Variants in RSF1 observed in about 807,000 individuals in gnomAD.
The protein encoded by RSF1 is HBV pX-associated protein 8.
A neutral mutation model predicts 145.2 loss-of-function variants in RSF1; 13 were observed. The ratio of observed to expected loss-of-function variants is 0.09; its 90% CI spans 0.06 to 0.14. RSF1 has a LOEUF of 0.14. RSF1 is among the 10% of genes least tolerant of loss of function. RSF1 has a pLI of 1.00. For synonymous variants in RSF1, 577 were observed against 592.6 expected (o/e 0.97, Z 0.38); for missense variants, 1,517 against 1,718.2 (o/e 0.88, Z 2.07).
At chr11:77,688,729 C>T (rs1960073600) in intron 9 of RSF1, among the ~76,000 whole-genome samples, 1 of 152,104 alleles carries the variant, frequency 6.6e-6, no homozygotes, top group Admixed American at 6.6e-5. Context: ...GTTCCAAGAC[C>T]AGCCTGGGCA....
chr11:77,751,920 A>G (rs1295372552), intron 2 of RSF1, among the ~76,000 whole-genome samples: 3 of 152,208 alleles, frequency 2.0e-5, no homozygotes, highest in African/African-American at 7.2e-5. Context: ...TTAGATCCAA[A>G]TCCTTATTTT....
chr11:77,676,066 C>G (rs1383871985), intron 13 of RSF1, among the ~76,000 whole-genome samples: 2 of 152,186 alleles, frequency 1.3e-5, no homozygotes, highest in African/African-American at 4.8e-5. Context: ...TGACATTTTA[C>G]GGCTTGCTGT....
the RSF1 span, among the ~76,000 whole-genome samples, chr11:77,857,637 T>A: frequency 6.6e-6 from 1 of 152,122 alleles, no homozygotes; most frequent in Non-Finnish European, 1.5e-5. Context: ...CATGCAGGTT[T>A]GTTACATAGG....
chr11:77,690,629 A>C lies in RSF1; in HGVS notation c.2900+530T>G, dbSNP rs554133810. On this transcript the variant is annotated intron_variant, in intron 9 of 15. Transcript: ENST00000308488. ...GTATTTTTAGTAGGGACAGGGTTTC[A>C]CCATGTTGGCCAGGCTGACCTCAGG... Among the ~76,000 whole-genome samples the C allele has an allele frequency of 2.0e-5, 3 of 152,048 alleles. No homozygotes were observed. The East Asian group carries it at 5.8e-4, about 29-fold the overall frequency.
chr11:77,675,399 T>C (rs1959675593), intron 13 of RSF1, 143 bp from the exon 14 acceptor site: 5 of 640,198 alleles, frequency 7.8e-6, no homozygotes, highest in Non-Finnish European at 1.3e-5. Flanking sequence ...AAATGCCCTA[T>C]TTATAAAATG....
intron 1 of RSF1, among the ~76,000 whole-genome samples, chr11:77,820,241 C>T: frequency 6.6e-6 from 1 of 152,150 alleles, no homozygotes; most frequent in African/African-American, 2.4e-5. Context: ...CCCGGGGCTG[C>T]CGACCGGCAC....
chr11:77,722,200 A>C (rs965391126), intron 5 of RSF1, among the ~76,000 whole-genome samples: 16 of 152,162 alleles, frequency 1.1e-4, no homozygotes, highest in African/African-American at 3.9e-4. Flanking sequence ...AGAAGACAGA[A>C]AAACAAAGAG....
chr11:77,701,786 G>A lies in RSF1; in HGVS notation c.1443C>T (p.Ile481=), dbSNP rs201725719. ...SYSPSKDRNI[I]TEGNGTESLN... is the part of the protein sequence containing the mutation. Reference sequence around the variant, plus strand: ...AGGACTCTGTTCCATTTCCCTCCGTGATGATATTTCTGTCCTTAGAGGGGC... The same window carrying A: ...AGGACTCTGTTCCATTTCCCTCCGTAATGATATTTCTGTCCTTAGAGGGGC... Residue 481 remains isoleucine, a synonymous_variant, in exon 6 of 16, where the codon ATC becomes ATT. Transcript: ENST00000308488. 4.3e-6 allele frequency: 7 copies of A among 1,613,874 alleles called. No homozygotes were observed. In the African/African-American group the frequency reaches 9.3e-5, roughly 22 times the overall value.
chr11:77,798,964 TA>T (rs199886134), intron 1 of RSF1, among the ~76,000 whole-genome samples: 3,251 of 114,282 alleles, frequency 0.028, 100 homozygotes, highest in African/African-American at 0.089. Flanking sequence ...AAAGTATAAT[TA>T]AAAAAAAAAA....
intron 1 of RSF1, among the ~76,000 whole-genome samples, chr11:77,796,596 C>A (rs1353779006): frequency 6.6e-6 from 1 of 152,122 alleles, no homozygotes; most frequent in Non-Finnish European, 1.5e-5. Context: ...TGAAAACTGG[C>A]AGAAGACAAG....
At chr11:77,821,600 A>AG (rs1371154736), upstream of RSF1, among the ~76,000 whole-genome samples, 1 of 151,864 alleles carries the variant, frequency 6.6e-6, no homozygotes, top group African/African-American at 2.4e-5. Context: ...CCATGGTGTG[A>AG]GGGGAAGGGG....
In RSF1 at chr11:77,702,489, T is replaced by C; in HGVS notation, c.740A>G (p.Gln247Arg). The change falls in exon 6 of 16, where the codon CAG becomes CGG. Residue 247 changes from glutamine to arginine, a missense_variant. By Grantham distance (43) the Gln-to-Arg change is conservative. Transcript: ENST00000308488. ...ACTTTTCATCTTTTCACTTTCTTTCTGTTCCTCTAAAAATCAGAAAAAGCT... is the reference window on the plus strand; with the variant it reads ...ACTTTTCATCTTTTCACTTTCTTTCCGTTCCTCTAAAAATCAGAAAAAGCT... ...KEEETPKQEE[Q>R]KESEKMKSEE... The C allele has an allele frequency of 6.5e-7, 1 of 1,534,506 alleles. No individual in the cohort carries two copies. The highest frequency in any genetic ancestry group is 8.7e-7 in the Non-Finnish European group (1 of 1,151,420).
At chr11:77,719,757 G>T (rs1399553353) in intron 5 of RSF1, among the ~76,000 whole-genome samples, 2 of 152,280 alleles carry the variant, frequency 1.3e-5, no homozygotes, top group East Asian at 3.9e-4. Flanking sequence ...TATTATTCAT[G>T]TGTAAAAAGG....
intron 7 of RSF1, among the ~76,000 whole-genome samples, chr11:77,697,835 T>C (rs989256595): frequency 5.3e-5 from 8 of 152,080 alleles, no homozygotes; most frequent in African/African-American, 1.9e-4. Context: ...GCATTTACCA[T>C]TTGTTTTAGA....
At chr11:77,854,831 C>T in the RSF1 span, among the ~76,000 whole-genome samples, 19,696 of 152,222 alleles carry the variant, frequency 0.13, 1,449 homozygotes, top group Admixed American at 0.2. Context: ...CCCACATTTG[C>T]CCTCCATACT....
intron 9 of RSF1, among the ~76,000 whole-genome samples, chr11:77,688,485 T>C (rs183400987): frequency 1.3e-5 from 2 of 152,344 alleles, no homozygotes; most frequent in South Asian, 2.1e-4. Flanking sequence ...TACCTTTAGT[T>C]ACATCTTTTG....
chr11:77,836,746 G>A, the RSF1 span, among the ~76,000 whole-genome samples: 9 of 152,168 alleles, frequency 5.9e-5, no homozygotes, highest in South Asian at 4.1e-4. Context: ...CGGGTGGATC[G>A]CCTGAGGCTG....
At chr11:77,804,479 G>C (rs1270124010) in intron 1 of RSF1, among the ~76,000 whole-genome samples, 1 of 152,142 alleles carries the variant, frequency 6.6e-6, no homozygotes, top group Non-Finnish European at 1.5e-5. Context: ...TAAATAAATG[G>C]CATGAGACCA....
At chr11:77,799,169 AAAT>A (rs1948602562) in intron 1 of RSF1, among the ~76,000 whole-genome samples, 1 of 151,994 alleles carries the variant, frequency 6.6e-6, no homozygotes, top group African/African-American at 2.4e-5. Flanking sequence ...AACTCAAACT[AAAT>A]AGTAAAAAAA....
Sources: allele counts gnomAD v4.1 joint callset (sites outside exome capture counted in the v4.1 genomes callset), GRCh38; gene constraint gnomAD v4.1.1; transcripts MANE v1.5; gene names NCBI Gene and HGNC (gene_info 2026-07-23, HGNC 2026-07-21).